Variants in ABLIM2 observed in about 807,000 individuals in gnomAD.
ABLIM2 encodes actin-binding LIM protein 2.
In ABLIM2, 53 loss-of-function variants were observed where a neutral mutation model predicts 97.7. The observed-to-expected ratio is 0.54, with a 90% CI of 0.44 to 0.68. The LOEUF is 0.68. ABLIM2 is among the 30% of genes least tolerant of loss of function. The pLI is 0.00. For synonymous variants in ABLIM2, 361 were observed against 345.8 expected (o/e 1.04, Z -0.49); for missense variants, 835 against 867.2 (o/e 0.96, Z 0.47).
At chr4:8,025,571 G>C (rs895643202) in intron 12 of ABLIM2, among the ~76,000 whole-genome samples, 1 of 152,214 alleles carries the variant, frequency 6.6e-6, no homozygotes, top group Non-Finnish European at 1.5e-5. Flanking sequence ...CTCCCCAGGG[G>C]GCCTGTCCTG....
rs1000264437 is a variant in ABLIM2 at position 7,970,445 on chromosome 4, G to A, written c.1825-3342C>T. On this transcript the variant is annotated intron_variant, in intron 20 of 20. Coordinates refer to ENST00000447017, the MANE Select transcript of ABLIM2 (RefSeq NM_001130083.2). This position sits in a 1 kb window ranked among gnomAD's most constrained non-coding sequence, Gnocchi z 5.3. ...GTGAGTGGTCTCTTGGGTTTAGCTGGCATCAGGTCTTTGCTGGAGGAGGGA... is the reference window on the plus strand; with the variant it reads ...GTGAGTGGTCTCTTGGGTTTAGCTGACATCAGGTCTTTGCTGGAGGAGGGA... Among the ~76,000 whole-genome samples, 1 of 152,094 alleles carries A rather than the reference G, an allele frequency of 6.6e-6. No homozygotes were observed. The highest frequency in any genetic ancestry group is 1.5e-5 in the Non-Finnish European group (1 of 68,016).
intron 1 of ABLIM2, among the ~76,000 whole-genome samples, chr4:8,131,642 G>GCCCGCATCCCCAGCACAGCAT (rs1418014070): frequency 3.4e-5 from 5 of 148,514 alleles, no homozygotes; most frequent in Non-Finnish European, 7.4e-5. Flanking sequence ...GAGCACAGCA[G>GCCCGCATCCCCAGCACAGCAT]CCCGCATCCC....
At chr4:8,051,476 G>C (rs1796008680) in intron 8 of ABLIM2, among the ~76,000 whole-genome samples, 1 of 147,618 alleles carries the variant, frequency 6.8e-6, no homozygotes, top group Non-Finnish European at 1.5e-5. Context: ...AGAATAGCTT[G>C]AATCTGGGAA....
intron 2 of ABLIM2, among the ~76,000 whole-genome samples, chr4:8,105,495 G>A (rs968618062): frequency 2.0e-5 from 3 of 152,236 alleles, no homozygotes; most frequent in East Asian, 1.9e-4. Flanking sequence ...GATGGGGGCC[G>A]TGCAACGCCT....
At chr4:8,079,500 G>A (rs959852592) in intron 5 of ABLIM2, among the ~76,000 whole-genome samples, 9 of 152,258 alleles carry the variant, frequency 5.9e-5, no homozygotes, top group African/African-American at 1.4e-4. Flanking sequence ...CTCATGCACC[G>A]CACAGGTCCC....
At chr4:7,982,765 G>A (rs572702118) in intron 20 of ABLIM2, among the ~76,000 whole-genome samples, 34 of 152,060 alleles carry the variant, frequency 2.2e-4, no homozygotes, top group Non-Finnish European at 3.5e-4. Context: ...GTGCAGTGGC[G>A]CCATCTCGGC....
chr4:7,978,160 G>T (rs1735040812), intron 20 of ABLIM2, among the ~76,000 whole-genome samples: 1 of 152,158 alleles, frequency 6.6e-6, no homozygotes, highest in Non-Finnish European at 1.5e-5. Flanking sequence ...CTCCTGCTGG[G>T]AGGTGGCCGC....
chr4:8,127,797 G>A lies in ABLIM2; in HGVS notation c.11-21160C>T, dbSNP rs540620632. On this transcript the variant is annotated intron_variant, in intron 1 of 20. Coordinates refer to ENST00000447017, the MANE Select transcript of ABLIM2 (RefSeq NM_001130083.2). The surrounding 1 kb of genome is among the most constrained non-coding windows in gnomAD (Gnocchi z 7.3). ...GACTCCCGCCACACTATGCGCCAGA[G>A]ACACACCTGTCTCCCAGGCATCCGG... 1.2e-6 allele frequency: 1 copy of A among 849,070 alleles called. No individual in the cohort carries two copies. Among genetic ancestry groups the A allele is most frequent in the East Asian group, 1.3e-4 (1 of 7,484 alleles). The allele number at this position is 849,070 out of a possible 1,614,324, so 52.6% of individuals were successfully genotyped here.
rs1039840749 is a variant in ABLIM2 at position 8,124,539 on chromosome 4, C to T, written c.11-17902G>A. Among the ~76,000 whole-genome samples, 5 of 152,146 alleles carry T rather than the reference C, an allele frequency of 3.3e-5. No homozygotes were observed. Among genetic ancestry groups the T allele is most frequent in the Non-Finnish European group, 4.4e-5 (3 of 68,030 alleles). ...TCCTTCGCGACTGGCTTCTTTCACTCGGCGTCATGTTTTCAGGGAGTGTCC... is the reference window on the plus strand; with the variant it reads ...TCCTTCGCGACTGGCTTCTTTCACTTGGCGTCATGTTTTCAGGGAGTGTCC... On this transcript the variant is annotated intron_variant, in intron 1 of 20. Coordinates refer to ENST00000447017, the MANE Select transcript of ABLIM2 (RefSeq NM_001130083.2). The surrounding 1 kb of genome is among the most constrained non-coding windows in gnomAD (Gnocchi z 6.1).
intron 8 of ABLIM2, among the ~76,000 whole-genome samples, chr4:8,049,264 G>A (rs1794528804): frequency 6.6e-6 from 1 of 152,232 alleles, no homozygotes; most frequent in South Asian, 2.1e-4. Context: ...CTTGTGTGTT[G>A]AGTGACCATA....
intron 14 of ABLIM2, among the ~76,000 whole-genome samples, chr4:8,018,733 A>G (rs111889346): frequency 0.021 from 3,256 of 152,290 alleles, 123 homozygotes; most frequent in African/African-American, 0.072. Context: ...GGATGTGGCT[A>G]TTTGCTTTAG....
rs577761425 is a variant in ABLIM2 at position 8,026,788 on chromosome 4, G to A, written c.1267+971C>T. On this transcript the variant is annotated intron_variant, in intron 12 of 20. Coordinates refer to ENST00000447017, the MANE Select transcript of ABLIM2 (RefSeq NM_001130083.2). ...TCTGAGCCAGGTCTGGCAGGGTGTG[G>A]CTTCTCCTGAGACTGTTTTTCCTGG... 2.4e-3 allele frequency among the ~76,000 whole-genome samples: 360 copies of A among 152,308 alleles called. 1 individual carries two copies. Among genetic ancestry groups the A allele is most frequent in the African/African-American group, 8.5e-3 (352 of 41,552 alleles).
Position 8,097,133 on chromosome 4 carries a change from A to T in ABLIM2, c.304T>A (p.Tyr102Asn). Reference protein sequence around the residue: ...GEVVSALGKTYHPDCFVCAVC... With the variant: ...GEVVSALGKTNHPDCFVCAVC... ...GCACACACGAAGCAGTCGGGGTGGT[A>T]GGTCTTGCCCAGCGCCGACACCACC... The change falls in exon 3 of 21, where the codon TAC becomes AAC. Residue 102 changes from tyrosine (Y) to asparagine (N), a missense_variant. Transcript: ENST00000447017. 1 of 1,611,556 alleles carries T rather than the reference A, an allele frequency of 6.2e-7. No homozygotes were observed.
At chr4:7,978,202 T>C (rs6447897) in intron 20 of ABLIM2, among the ~76,000 whole-genome samples, 97,211 of 152,000 alleles carry the variant, frequency 0.64, 31,203 homozygotes, top group African/African-American at 0.64. Flanking sequence ...CGTCCCACTC[T>C]CAGCCCGAGG....
chr4:8,081,395 C>T (rs187070009), intron 4 of ABLIM2, among the ~76,000 whole-genome samples: 84 of 152,274 alleles, frequency 5.5e-4, no homozygotes, highest in South Asian at 2.3e-3. Context: ...TGTCCTGTGT[C>T]CCAGGGCCTG....
intron 1 of ABLIM2, among the ~76,000 whole-genome samples, chr4:8,111,330 G>T (rs148952397): frequency 1.9e-4 from 29 of 152,358 alleles, no homozygotes; most frequent in Non-Finnish European, 3.8e-4. Flanking sequence ...GGTTGCCAGG[G>T]CTGGGATCAA....
intron 17 of ABLIM2, among the ~76,000 whole-genome samples, chr4:7,988,810 C>T (rs369355765): frequency 6.6e-6 from 1 of 152,162 alleles, no homozygotes; most frequent in South Asian, 2.1e-4. Flanking sequence ...TGCCCAAAAA[C>T]AGAGCTGGGA....
intron 1 of ABLIM2, among the ~76,000 whole-genome samples, chr4:8,152,611 G>A (rs1713382246): frequency 6.6e-6 from 1 of 152,244 alleles, no homozygotes; most frequent in South Asian, 2.1e-4. Flanking sequence ...GCTCTGTGCT[G>A]GGTGCGAGCC....
rs574651035 is a variant in ABLIM2 at position 8,005,552 on chromosome 4, G to A, written c.1618+2507C>T. The A allele has an allele frequency of 1.6e-4, 75 of 481,018 alleles. No homozygotes were observed. The East Asian group carries it at 2.2e-3, about 14-fold the overall frequency. The allele number at this position is 481,018 out of a possible 1,614,324, so 29.8% of individuals were successfully genotyped here. A position where few individuals can be genotyped will look rare whatever the true frequency, so the allele number is the denominator to read the frequency against. ...ACTTGGTGACAATCAAAAGAACCCC[G>A]AGAGAAAAAAAAGGGTGGCTCCCTC... is the stretch of plus-strand genomic sequence containing the variant. On this transcript the variant is annotated intron_variant, in intron 16 of 20. Coordinates refer to ENST00000447017, the MANE Select transcript of ABLIM2 (RefSeq NM_001130083.2). This position sits in a 1 kb window ranked among gnomAD's most constrained non-coding sequence, Gnocchi z 4.9.
Sources: allele counts gnomAD v4.1 joint callset (sites outside exome capture counted in the v4.1 genomes callset), GRCh38; gene constraint gnomAD v4.1.1; non-coding constraint Gnocchi (gnomAD v3.1); transcripts MANE v1.5; gene names NCBI Gene and HGNC (gene_info 2026-07-23, HGNC 2026-07-21).